Variants in FBN1 observed in about 807,000 individuals in gnomAD.
FBN1 encodes fibrillin-1.
In FBN1, 29 loss-of-function variants were observed where a neutral mutation model predicts 365.1. The ratio of observed to expected loss-of-function variants is 0.08; its 90% CI spans 0.06 to 0.11. FBN1 has a LOEUF of 0.11. Among genes scored for constraint, FBN1 ranks in the 10% least tolerant of loss-of-function variants. The pLI is 1.00. For missense variants in FBN1, 2,476 were observed against 3,703.2 expected (o/e 0.67, Z 8.60); for synonymous variants, 1,210 against 1,270.5 (o/e 0.95, Z 1.01).
At chr15:48,436,431 A>G (rs909559259) in intron 53 of FBN1, among the ~76,000 whole-genome samples, 1 of 152,186 alleles carries the variant, frequency 6.6e-6, no homozygotes, top group Admixed American at 6.5e-5. Context: ...ATAACTAAAT[A>G]TGATCCTTGG....
In FBN1 at chr15:48,611,759, A is replaced by G. The variant is rs541662876; in HGVS notation, c.248-933T>C. ...CAAATGCTCTGCTAGTGGTCACAAC[A>G]GTAAGTTTAAATGGCATATGATTTA... On this transcript the variant is annotated intron_variant, in intron 3 of 65. Transcript: ENST00000316623. Among the ~76,000 whole-genome samples, 134 of 152,298 alleles carry G rather than the reference A, an allele frequency of 8.8e-4. No individual in the cohort carries two copies. In the Middle Eastern group the frequency reaches 0.01, roughly 12 times the overall value.
At chr15:48,444,473 AT>A in intron 49 of FBN1, 67 bp downstream of exon 49, 1 of 1,592,444 alleles carries the variant, frequency 6.3e-7, no homozygotes, top group Non-Finnish European at 8.6e-7. Context: ...CATTACAAAA[AT>A]TCTCATTCTG....
intron 5 of FBN1, among the ~76,000 whole-genome samples, chr15:48,599,795 C>T (rs1234571576): frequency 1.3e-5 from 2 of 152,078 alleles, no homozygotes; most frequent in African/African-American, 2.4e-5. Context: ...CCTGAAAATC[C>T]AAGTGTTGAA....
rs760143789 is a variant in FBN1 at position 48,474,561 on chromosome 15, G to A, written c.4054C>T (p.Pro1352Ser). ...TAGSFKCSCS[P>S]GWIGDGIKCT... ...TTAATGCCATCTCCAATCCACCCGG[G>A]ACTGCAGCTACATTTGAAGCTTCCT... Residue 1352 changes from proline to serine, a missense_variant, in exon 33 of 66, where the codon CCC (proline) becomes TCC (serine). Physicochemically the swap from Pro to Ser is moderately conservative, Grantham distance 74. This residue lies in a region of FBN1 where 1,780 missense variants were observed against 2,840.8 expected (regional missense o/e 0.63). Transcript: ENST00000316623. The A allele has an allele frequency of 1.2e-6, 2 of 1,614,122 alleles. No homozygotes were observed. Among genetic ancestry groups the A allele is most frequent in the Non-Finnish European group, 1.7e-6 (2 of 1,180,014 alleles).
intron 2 of FBN1, chr15:48,644,277 T>C: frequency 3.0e-6 from 1 of 337,194 alleles, no homozygotes; most frequent in Non-Finnish European, 5.6e-6. Flanking sequence ...GAATTGATAT[T>C]GCAGGGAAAG....
chr15:48,437,965 C>T (rs1301335167), intron 50 of FBN1, 48 bp from the exon 51 acceptor site: 12 of 1,590,220 alleles, frequency 7.5e-6, no homozygotes, highest in Admixed American at 1.7e-5. Flanking sequence ...CTACTGAGTC[C>T]GTATTGCACC....
At chr15:48,534,444 T>G (rs1250531733) in intron 7 of FBN1, among the ~76,000 whole-genome samples, 1 of 152,212 alleles carries the variant, frequency 6.6e-6, no homozygotes, top group Non-Finnish European at 1.5e-5. Context: ...TTTTCCCACC[T>G]TCCATGTTTC....
chr15:48,465,740 C>T (rs760868037), intron 39 of FBN1, 47 bp from the exon 40 acceptor site: 2 of 1,613,098 alleles, frequency 1.2e-6, no homozygotes, highest in South Asian at 2.2e-5. Context: ...GTAAATAAAC[C>T]CAAGGAAATT....
At chr15:48,513,028 T>C (rs1566916055) in intron 13 of FBN1, among the ~76,000 whole-genome samples, 1 of 152,174 alleles carries the variant, frequency 6.6e-6, no homozygotes, top group East Asian at 1.9e-4. Flanking sequence ...TACATACAGA[T>C]TGCTGGGGGA....
At chr15:48,549,984 C>T (rs1469579501) in intron 6 of FBN1, among the ~76,000 whole-genome samples, 1 of 152,216 alleles carries the variant, frequency 6.6e-6, no homozygotes, top group African/African-American at 2.4e-5. Flanking sequence ...GTTAGTTTTC[C>T]CCAAACGGCA....
chr15:48,442,926 T>G (rs1012208799), intron 49 of FBN1, among the ~76,000 whole-genome samples: 1 of 152,222 alleles, frequency 6.6e-6, no homozygotes, highest in Admixed American at 6.5e-5. Context: ...CTCTTTATTT[T>G]TATATTTGTG....
At position 48,460,150 on chromosome 15, in the gene FBN1, AT is replaced by A. The variant is rs918902510; in HGVS notation, c.5296+95del. 5.7e-4 allele frequency: 499 copies of A among 867,976 alleles called. 9 individuals are homozygous for A. The Admixed American group carries it at 7.4e-3, about 13-fold the overall frequency. 53.8% of individuals were successfully genotyped at this position (867,976 alleles called of 1,614,324 possible). ...AATAAAGTGAAAGGCATTGTTTAAT[AT>A]TTTTTTTCCTTTAAGAAAAAAATGG... is the stretch of plus-strand genomic sequence containing the variant. On this transcript the variant is annotated intron_variant, in intron 43 of 65. Transcript: ENST00000316623.
rs16960962 is a variant in FBN1, at chr15:48,449,196, C to T, written c.5546-303G>A. ...CCGGGAGGATTTTCTGTTTGATTAT[C>T]GGCCTACGCAGCACCACAGACTGTG... On this transcript the variant is annotated intron_variant, in intron 45 of 65. Coordinates refer to ENST00000316623, the MANE Select transcript of FBN1 (RefSeq NM_000138.5). 0.051 allele frequency among the ~76,000 whole-genome samples: 7,764 copies of T among 152,198 alleles called. 257 individuals carry two copies. The highest frequency in any genetic ancestry group is 0.16 in the East Asian group (808 of 5,180).
At chr15:48,479,147 A>T (rs967576589) in intron 32 of FBN1, among the ~76,000 whole-genome samples, 1 of 152,226 alleles carries the variant, frequency 6.6e-6, no homozygotes. Context: ...TCACCAAGGT[A>T]ACCTGACGGT....
intron 2 of FBN1, among the ~76,000 whole-genome samples, chr15:48,623,160 T>C (rs1415363641): frequency 6.6e-6 from 1 of 152,218 alleles, no homozygotes; most frequent in Non-Finnish European, 1.5e-5. Context: ...TAATATTGAC[T>C]AAAGGCAATA....
chr15:48,425,921 T>C (rs1212042957), intron 58 of FBN1, 57 bp from the exon 59 acceptor site: 13 of 1,372,086 alleles, frequency 9.5e-6, no homozygotes, highest in Non-Finnish European at 1.2e-5. Flanking sequence ...AACATTAATA[T>C]GTAGGGGGTC....
rs183926953 is a variant in FBN1, at chr15:48,460,941, C to G, written c.5225-624G>C. Reference sequence around the variant, plus strand: ...AATTTAACAGATAATAAAGGATGAACTAAATTCTATCAGCAGTCCCTTCTA... The same window carrying G: ...AATTTAACAGATAATAAAGGATGAAGTAAATTCTATCAGCAGTCCCTTCTA... On this transcript the variant is annotated intron_variant, in intron 42 of 65. Coordinates refer to ENST00000316623, the MANE Select transcript of FBN1 (RefSeq NM_000138.5). Among the ~76,000 whole-genome samples the G allele has an allele frequency of 2.7e-3, 406 of 152,214 alleles. 1 individual carries two copies. The highest frequency in any genetic ancestry group is 9.5e-3 in the African/African-American group (396 of 41,540).
rs527285638 is a variant in FBN1, at chr15:48,436,419, A to G, written c.6496+542T>C. Reference sequence around the variant, plus strand: ...TATATTGAATCACTCTGGAATTCTTAGATAACTAAATATGATCCTTGGATT... The same window carrying G: ...TATATTGAATCACTCTGGAATTCTTGGATAACTAAATATGATCCTTGGATT... On this transcript the variant is annotated intron_variant, in intron 53 of 65. Coordinates refer to ENST00000316623, the MANE Select transcript of FBN1 (RefSeq NM_000138.5). 1.3e-3 allele frequency among the ~76,000 whole-genome samples: 205 copies of G among 152,302 alleles called. 1 individual carries two copies. The highest frequency in any genetic ancestry group is 2.1e-3 in the Admixed American group (32 of 15,296).
intron 32 of FBN1, among the ~76,000 whole-genome samples, chr15:48,481,445 C>T (rs530106126): frequency 6.6e-6 from 1 of 151,946 alleles, no homozygotes; most frequent in African/African-American, 2.4e-5. Flanking sequence ...CTTTTTCCCC[C>T]CACAGGTCAA....
Sources: allele counts gnomAD v4.1 joint callset (sites outside exome capture counted in the v4.1 genomes callset), GRCh38; gene constraint gnomAD v4.1.1; regional missense constraint gnomAD v4.1.1; transcripts MANE v1.5; gene names NCBI Gene and HGNC (gene_info 2026-07-23, HGNC 2026-07-21).